Variants in SAMD5 observed in about 807,000 individuals in gnomAD.
SAMD5 encodes sterile alpha motif domain-containing protein 5.
In SAMD5, 13 loss-of-function variants were observed where a neutral mutation model predicts 11.3. The ratio of observed to expected loss-of-function variants is 1.15; its 90% CI spans 0.75 to 1.83. SAMD5 has a LOEUF of 1.83. Ranked by LOEUF, SAMD5 falls within the 40% of genes most tolerant of loss-of-function variation. SAMD5 has a pLI of 0.00. For missense variants in SAMD5, 255 were observed against 239.1 expected (o/e 1.07, Z -0.44); for synonymous variants, 129 against 111.3 (o/e 1.16, Z -1.00).
the SAMD5 span, among the ~76,000 whole-genome samples, chr6:147,910,695 C>T: frequency 2.6e-5 from 4 of 152,176 alleles, no homozygotes. Context: ...GGAGCTCTGT[C>T]ATGCCAGATA....
the SAMD5 span, among the ~76,000 whole-genome samples, chr6:147,867,074 ATCTC>A: frequency 7.9e-5 from 12 of 152,102 alleles, no homozygotes; most frequent in African/African-American, 2.9e-4. Context: ...CCGAATATTA[ATCTC>A]TCTATCCAGA....
chr6:147,794,469 G>A, the SAMD5 span, among the ~76,000 whole-genome samples: 1 of 151,966 alleles, frequency 6.6e-6, no homozygotes, highest in African/African-American at 2.4e-5. Flanking sequence ...CATATAAAAA[G>A]ACTTCCATAT....
At chr6:147,705,081 G>A (rs1791307608) in intron 1 of SAMD5, among the ~76,000 whole-genome samples, 1 of 152,206 alleles carries the variant, frequency 6.6e-6, no homozygotes, top group Non-Finnish European at 1.5e-5. Context: ...AGACCAGTAA[G>A]GTAGAGGCGA....
At chr6:147,752,211 C>T in the SAMD5 span, among the ~76,000 whole-genome samples, 1 of 152,134 alleles carries the variant, frequency 6.6e-6, no homozygotes, top group Non-Finnish European at 1.5e-5. Flanking sequence ...CTGACAAGTG[C>T]AAAATCTTAC....
At chr6:147,703,218 C>A (rs1475015934) in intron 1 of SAMD5, among the ~76,000 whole-genome samples, 3 of 152,084 alleles carry the variant, frequency 2.0e-5, no homozygotes, top group Non-Finnish European at 4.4e-5. Flanking sequence ...CAGGTGCCTG[C>A]CACCACACCC....
chr6:147,724,824 T>C (rs1049465795), intron 1 of SAMD5, among the ~76,000 whole-genome samples: 1 of 152,182 alleles, frequency 6.6e-6, no homozygotes, highest in Non-Finnish European at 1.5e-5. Flanking sequence ...TAAAGACTTC[T>C]CATATCCTAT....
chr6:147,806,823 T>C, the SAMD5 span, among the ~76,000 whole-genome samples: 1 of 152,140 alleles, frequency 6.6e-6, no homozygotes, highest in Non-Finnish European at 1.5e-5. Context: ...TTGAAGATTG[T>C]ATTTGGGAGG....
chr6:147,615,463 C>T (rs1387643522), intron 1 of SAMD5, among the ~76,000 whole-genome samples: 99 of 152,106 alleles, frequency 6.5e-4, no homozygotes, highest in Non-Finnish European at 4.4e-5. Flanking sequence ...ATATTTGTCT[C>T]ATGCCTTTTG....
the SAMD5 span, among the ~76,000 whole-genome samples, chr6:147,870,180 C>T: frequency 1.3e-5 from 2 of 152,036 alleles, no homozygotes; most frequent in Admixed American, 1.3e-4. Flanking sequence ...GACAGTGCAG[C>T]TCTAGGTAAT....
the SAMD5 span, among the ~76,000 whole-genome samples, chr6:147,843,685 A>T: frequency 6.6e-6 from 1 of 152,188 alleles, no homozygotes; most frequent in East Asian, 1.9e-4. Context: ...CTAGAAATAA[A>T]TTCACAAATT....
intron 1 of SAMD5, among the ~76,000 whole-genome samples, chr6:147,730,678 A>G (rs1339128720): frequency 6.6e-6 from 1 of 152,182 alleles, no homozygotes; most frequent in African/African-American, 2.4e-5. Context: ...TATATAGACA[A>G]TAGACAAGGT....
chr6:147,720,830 C>G (rs927619801), intron 1 of SAMD5, among the ~76,000 whole-genome samples: 1 of 139,336 alleles, frequency 7.2e-6, no homozygotes, highest in Non-Finnish European at 1.6e-5. Context: ...GTATATCTCC[C>G]AATGCTATCC....
chr6:147,934,646 G>A, the SAMD5 span, among the ~76,000 whole-genome samples: 1 of 152,140 alleles, frequency 6.6e-6, no homozygotes, highest in Non-Finnish European at 1.5e-5. Context: ...GGATGGGAAA[G>A]TGAGAGAGGA....
chr6:147,904,975 G>A, the SAMD5 span, among the ~76,000 whole-genome samples: 1 of 149,436 alleles, frequency 6.7e-6, no homozygotes, highest in African/African-American at 2.5e-5. Flanking sequence ...TGCAACCTCT[G>A]CCTCCTGGAT....
At chr6:147,722,225 A>G (rs1476454756) in intron 1 of SAMD5, among the ~76,000 whole-genome samples, 2 of 152,184 alleles carry the variant, frequency 1.3e-5, no homozygotes, top group African/African-American at 4.8e-5. Flanking sequence ...AATGAGCTCA[A>G]TGATATGCAA....
At chr6:147,543,586 T>C (rs1788639722) in intron 1 of SAMD5, among the ~76,000 whole-genome samples, 2 of 152,194 alleles carry the variant, frequency 1.3e-5, no homozygotes, top group South Asian at 4.1e-4. Context: ...TGTTCTGAAA[T>C]TATGCAAGGG....
At chr6:147,618,169 C>T (rs1250922781) in intron 1 of SAMD5, among the ~76,000 whole-genome samples, 5 of 152,136 alleles carry the variant, frequency 3.3e-5, no homozygotes, top group Admixed American at 2.6e-4. Context: ...GTTCTTCAAA[C>T]GTTGGTTGAG....
the SAMD5 span, among the ~76,000 whole-genome samples, chr6:147,940,430 C>T: frequency 0.23 from 34,318 of 151,826 alleles, 4,350 homozygotes; most frequent in African/African-American, 0.33. Context: ...TTCATCACAG[C>T]GCCCTGCTGT....
intron 1 of SAMD5, among the ~76,000 whole-genome samples, chr6:147,539,154 A>G (rs945933862): frequency 6.6e-6 from 1 of 152,216 alleles, no homozygotes; most frequent in Non-Finnish European, 1.5e-5. Context: ...GTGCCATTTT[A>G]TACTGGATCC....
Sources: allele counts gnomAD v4.1 joint callset (sites outside exome capture counted in the v4.1 genomes callset), GRCh38; gene constraint gnomAD v4.1.1; transcripts MANE v1.5; gene names NCBI Gene and HGNC (gene_info 2026-07-23, HGNC 2026-07-21).